Variants in SGCD observed in about 807,000 individuals in gnomAD.
The protein encoded by SGCD is sarcoglycan delta.
SGCD carries 18 observed loss-of-function variants against 36.6 expected under a neutral mutation model. The ratio of observed to expected loss-of-function variants is 0.49; its 90% CI spans 0.34 to 0.73. SGCD has a LOEUF of 0.73. Ranked by LOEUF, SGCD falls within the 30% of genes least tolerant of loss-of-function variation. The pLI is 0.01. For synonymous variants in SGCD, 133 were observed against 130.6 expected (o/e 1.02, Z -0.12); for missense variants, 387 against 346.7 (o/e 1.12, Z -0.92).
chr5:156,142,029 G>A (rs554829210), intron 3 of SGCD, among the ~76,000 whole-genome samples: 5 of 152,294 alleles, frequency 3.3e-5, no homozygotes, highest in African/African-American at 9.6e-5. Context: ...GGTGGGGCCT[G>A]GTGGGAGATG....
chr5:156,365,019 T>C (rs80087683), intron 3 of SGCD, among the ~76,000 whole-genome samples: 5,903 of 152,270 alleles, frequency 0.039, 339 homozygotes, highest in African/African-American at 0.13. Context: ...TGTACACTTC[T>C]ACAATGGAGA....
chr5:155,940,953 G>A (rs4704877), intron 1 of SGCD, among the ~76,000 whole-genome samples: 1 of 152,166 alleles, frequency 6.6e-6, no homozygotes, highest in East Asian at 1.9e-4. Flanking sequence ...TCTATTTTGT[G>A]TTGTTATAGC....
At chr5:156,668,909 C>CT (rs1257693073) in intron 7 of SGCD, among the ~76,000 whole-genome samples, 3 of 152,114 alleles carry the variant, frequency 2.0e-5, no homozygotes, top group African/African-American at 7.2e-5. Flanking sequence ...AATTGAGACT[C>CT]TAAGAGGAGG....
chr5:156,002,855 A>G (rs1281864569), intron 1 of SGCD, among the ~76,000 whole-genome samples: 1 of 152,246 alleles, frequency 6.6e-6, no homozygotes, highest in Non-Finnish European at 1.5e-5. Flanking sequence ...ACTGCCTTAG[A>G]ACATGCAGCA....
intron 1 of SGCD, among the ~76,000 whole-genome samples, chr5:155,903,646 G>T (rs1466114335): frequency 6.6e-6 from 1 of 152,146 alleles, no homozygotes; most frequent in African/African-American, 2.4e-5. Context: ...CCTCTTCTTT[G>T]ATTAGCCAGT....
intron 4 of SGCD, among the ~76,000 whole-genome samples, chr5:156,566,971 A>G (rs140447244): frequency 6.2e-4 from 95 of 152,274 alleles, no homozygotes; most frequent in African/African-American, 2.1e-3. Flanking sequence ...TTCTCATTGC[A>G]TCCTTTGAAC....
chr5:155,983,297 C>T (rs547012061), intron 1 of SGCD, among the ~76,000 whole-genome samples: 1 of 152,288 alleles, frequency 6.6e-6, no homozygotes, highest in South Asian at 2.1e-4. Context: ...AGAGCTAGGG[C>T]TCAAACGCAG....
At chr5:155,866,469 C>T (rs1472190624), upstream of SGCD, among the ~76,000 whole-genome samples, 3 of 152,142 alleles carry the variant, frequency 2.0e-5, no homozygotes, top group African/African-American at 7.2e-5. Context: ...TGAAGATATT[C>T]CTCCCCATTC....
intron 3 of SGCD, among the ~76,000 whole-genome samples, chr5:156,169,798 G>GAA (rs1316642968): frequency 6.6e-6 from 1 of 152,148 alleles, no homozygotes; most frequent in African/African-American, 2.4e-5. Flanking sequence ...TTGGCTTGTT[G>GAA]GAAGGACAAG....
intron 7 of SGCD, among the ~76,000 whole-genome samples, chr5:156,668,889 G>T (rs1753171893): frequency 6.6e-6 from 1 of 152,162 alleles, no homozygotes; most frequent in Non-Finnish European, 1.5e-5. Flanking sequence ...AAGGGTCATT[G>T]CATATTTTCA....
intron 3 of SGCD, among the ~76,000 whole-genome samples, chr5:156,379,148 C>T (rs1770840733): frequency 6.6e-6 from 1 of 152,100 alleles, no homozygotes; most frequent in African/African-American, 2.4e-5. Context: ...AAAATATCTG[C>T]CATAAAGCTT....
intron 4 of SGCD, among the ~76,000 whole-genome samples, chr5:156,517,355 C>T (rs755117290): frequency 2.6e-5 from 4 of 152,002 alleles, no homozygotes; most frequent in African/African-American, 7.2e-5. Flanking sequence ...AAAGAATGAA[C>T]GTATGAATGA....
intron 3 of SGCD, among the ~76,000 whole-genome samples, chr5:156,166,582 AG>A (rs1431529182): frequency 6.6e-6 from 1 of 152,226 alleles, no homozygotes; most frequent in Non-Finnish European, 1.5e-5. Context: ...GGCCTCCCAC[AG>A]TGCTGGGATT....
chr5:155,996,863 GGATAGATAGATAGATAGATAGATAGATA>G (rs10696253), intron 1 of SGCD, among the ~76,000 whole-genome samples: 5 of 133,358 alleles, frequency 3.7e-5, no homozygotes, highest in African/African-American at 1.3e-4. Context: ...CTGGATGGAT[GGATAGATAGATAGATAGATAGATAGATA>G]GATAGATAGA....
rs867711552 is a variant in SGCD at position 155,881,343 on chromosome 5, C to T, written c.-282+10919C>T. On this transcript the variant is annotated intron_variant, in intron 1 of 9. Coordinates refer to the SGCD transcript ENST00000517913. ...ATAAATAAAGAATATAGCAATAAAA[C>T]AAGTCATATGAATGTTTTGGTTTCC... Among the ~76,000 whole-genome samples, 15 of 103,884 alleles carry T rather than the reference C, an allele frequency of 1.4e-4. 2 individuals carry two copies. The South Asian group carries it at 4.4e-3, about 30-fold the overall frequency. 68.2% of individuals were successfully genotyped at this position (103,884 alleles called of 152,430 possible).
intron 3 of SGCD, among the ~76,000 whole-genome samples, chr5:156,150,669 G>A (rs1488791467): frequency 6.6e-6 from 1 of 151,644 alleles, no homozygotes; most frequent in African/African-American, 2.4e-5. Flanking sequence ...ATAAGCTGTG[G>A]CTTCCCCGCA....
chr5:155,885,461 G>T (rs1165579702), intron 1 of SGCD, among the ~76,000 whole-genome samples: 1 of 23,094 alleles, frequency 4.3e-5, no homozygotes, highest in Non-Finnish European at 8.8e-5. Context: ...TATCATCAAA[G>T]TAAAAAAAAA....
intron 1 of SGCD, among the ~76,000 whole-genome samples, chr5:156,035,225 TG>T (rs1434679600): frequency 6.6e-6 from 1 of 152,174 alleles, no homozygotes; most frequent in Non-Finnish European, 1.5e-5. Flanking sequence ...TTTTAAAGTT[TG>T]GGATTGAATT....
chr5:156,678,670 G>C (rs1164285714), intron 7 of SGCD, among the ~76,000 whole-genome samples: 1 of 152,156 alleles, frequency 6.6e-6, no homozygotes, highest in African/African-American at 2.4e-5. Flanking sequence ...TCTGAAGGAA[G>C]CAAAGATAAC....
Sources: gnomAD v4.1 joint callset for allele counts (sites outside exome capture counted in the v4.1 genomes callset) on GRCh38, gnomAD v4.1.1 for gene constraint, MANE v1.5 for transcripts, NCBI Gene and HGNC (gene_info 2026-07-23, HGNC 2026-07-21) for gene names.